AGBL1: variants seen among roughly 807,000 people sequenced by gnomAD.
The protein encoded by AGBL1 is AGBL carboxypeptidase 1.
In AGBL1, 130 loss-of-function variants were observed where a neutral mutation model predicts 118.9. The ratio of observed to expected loss-of-function variants is 1.09; its 90% CI spans 0.95 to 1.26. AGBL1 has a LOEUF of 1.26. Ranked by LOEUF, AGBL1 falls within the 50% of genes most tolerant of loss-of-function variation. AGBL1 has a pLI of 0.00. For missense variants in AGBL1, 1,584 were observed against 1,298.1 expected (o/e 1.22, Z -3.38); for synonymous variants, 555 against 478.9 (o/e 1.16, Z -2.08).
chr15:86,891,374 G>A (rs1251162444), intron 22 of AGBL1, among the ~76,000 whole-genome samples: 2 of 152,048 alleles, frequency 1.3e-5, no homozygotes, highest in African/African-American at 4.8e-5. Context: ...CAGTGTAGTT[G>A]AGTGAGATGG....
intron 17 of AGBL1, among the ~76,000 whole-genome samples, chr15:86,301,173 A>G (rs1437330137): frequency 6.6e-6 from 1 of 152,166 alleles, no homozygotes; most frequent in Non-Finnish European, 1.5e-5. Flanking sequence ...CTCACTCTGG[A>G]CATTTCTGTT....
intron 1 of AGBL1, among the ~76,000 whole-genome samples, chr15:86,113,212 T>TTTTTCTTTTCTTTTTTC (rs1897507567): frequency 8.2e-6 from 1 of 122,132 alleles, no homozygotes; most frequent in Admixed American, 8.7e-5. Context: ...TTTCTTTTTC[T>TTTTTCTTTTCTTTTTTC]TTTTCTTTTC....
intron 22 of AGBL1, among the ~76,000 whole-genome samples, chr15:86,803,286 C>T (rs771738655): frequency 6.6e-6 from 1 of 152,078 alleles, no homozygotes; most frequent in Non-Finnish European, 1.5e-5. Context: ...GTTTTACAAG[C>T]ATCTGGCATT....
chr15:86,350,578 T>C (rs1392924375), intron 17 of AGBL1, among the ~76,000 whole-genome samples: 1 of 152,322 alleles, frequency 6.6e-6, no homozygotes, highest in East Asian at 1.9e-4. Flanking sequence ...ATACATGTGC[T>C]TGGTCTCCAG....
intron 22 of AGBL1, among the ~76,000 whole-genome samples, chr15:86,780,060 C>G (rs906464498): frequency 6.6e-6 from 1 of 152,152 alleles, no homozygotes; most frequent in African/African-American, 2.4e-5. Flanking sequence ...TTTGCCTACT[C>G]TAAGATCATG....
chr15:86,688,120 G>C lies in AGBL1; in HGVS notation c.3158+13684G>C, dbSNP rs184955273. 9.9e-5 allele frequency among the ~76,000 whole-genome samples: 15 copies of C among 152,258 alleles called. 1 individual carries two copies. Among genetic ancestry groups the C allele is most frequent in the African/African-American group, 3.6e-4 (15 of 41,572 alleles). On this transcript the variant is annotated intron_variant, in intron 22 of 22. Transcript: ENST00000614907. Reference sequence around the variant, plus strand: ...CCAGGAGAAACAACAAGCGCATGTCGTTGTTTCATGTATGAATGCAGCTAA... The same window carrying C: ...CCAGGAGAAACAACAAGCGCATGTCCTTGTTTCATGTATGAATGCAGCTAA...
Position 86,451,007 on chromosome 15 carries a change from C to T in AGBL1, c.2555+53461C>T, listed in dbSNP as rs140213674. ...TTATATCTTCTAGGATATGTTTTAA[C>T]GGATATCCATTCTTTCTTTGAGAAT... On this transcript the variant is annotated intron_variant, in intron 18 of 22. Transcript: ENST00000614907. Among the ~76,000 whole-genome samples, 284 of 152,112 alleles carry T rather than the reference C, an allele frequency of 1.9e-3. 1 individual carries two copies. The highest frequency in any genetic ancestry group is 6.4e-3 in the African/African-American group (266 of 41,494).
chr15:86,131,643 C>A (rs7174818), intron 1 of AGBL1, among the ~76,000 whole-genome samples: 3 of 151,658 alleles, frequency 2.0e-5, no homozygotes, highest in African/African-American at 4.8e-5. Flanking sequence ...AGGTAGACAC[C>A]GAATGGTAAT....
intron 21 of AGBL1, among the ~76,000 whole-genome samples, chr15:86,620,568 A>G (rs2142409526): frequency 6.6e-6 from 1 of 152,270 alleles, no homozygotes; most frequent in Middle Eastern, 3.4e-3. Context: ...TCACCTCATC[A>G]AGAATACATA....
At chr15:87,011,569 A>G (rs1381052270) in intron 24 of AGBL1, among the ~76,000 whole-genome samples, 2 of 152,212 alleles carry the variant, frequency 1.3e-5, no homozygotes, top group Non-Finnish European at 2.9e-5. Flanking sequence ...CTGTCCATTT[A>G]AAAATATTGC....
chr15:86,141,998 T>C lies in AGBL1; in HGVS notation c.52-6T>C, dbSNP rs1468230269. 6.5e-7 allele frequency: 1 copy of C among 1,549,832 alleles called. No individual in the cohort carries two copies. Among genetic ancestry groups the C allele is most frequent in the Middle Eastern group, 1.7e-4 (1 of 5,990 alleles). On this transcript the variant is annotated splice_region_variant and splice_polypyrimidine_tract_variant and intron_variant, in intron 1 of 22. Transcript: ENST00000614907. ...TTAAATATGGCTGCCTGTGTTCTCA[T>C]TGCAGAGCTCCTCTGACAAGGAGTC...
intron 23 of AGBL1, among the ~76,000 whole-genome samples, chr15:86,943,155 T>G (rs1401781824): frequency 3.3e-5 from 5 of 152,234 alleles, no homozygotes; most frequent in African/African-American, 4.8e-5. Flanking sequence ...ATTTAAGGAT[T>G]ATTTCTCAGT....
At chr15:86,267,145 C>G (rs2079087802) in intron 13 of AGBL1, 69 bp downstream of exon 13, 2 of 1,177,040 alleles carry the variant, frequency 1.7e-6, no homozygotes, top group Non-Finnish European at 2.5e-6. Flanking sequence ...TATCTCTTCC[C>G]CATGCTCTGT....
intron 18 of AGBL1, among the ~76,000 whole-genome samples, chr15:86,503,848 A>T (rs983403895): frequency 6.6e-6 from 1 of 151,574 alleles, no homozygotes; most frequent in South Asian, 2.1e-4. Flanking sequence ...ATGGCCAACC[A>T]TGTGATCTAC....
At chr15:86,243,186 G>A (rs548059399) in intron 6 of AGBL1, among the ~76,000 whole-genome samples, 1 of 152,128 alleles carries the variant, frequency 6.6e-6, no homozygotes, top group South Asian at 2.1e-4. Flanking sequence ...TGTAGAACGC[G>A]TAAGGATTAA....
At chr15:86,300,492 C>T (rs2079728542) in intron 17 of AGBL1, among the ~76,000 whole-genome samples, 1 of 152,152 alleles carries the variant, frequency 6.6e-6, no homozygotes. Flanking sequence ...TAGAAACCCT[C>T]ATTCTCTAAA....
intron 18 of AGBL1, among the ~76,000 whole-genome samples, chr15:86,483,869 T>C (rs1346097360): frequency 2.0e-5 from 3 of 152,154 alleles, no homozygotes; most frequent in South Asian, 4.1e-4. Flanking sequence ...CCAGCTCATC[T>C]TGAATACTGT....
intron 22 of AGBL1, among the ~76,000 whole-genome samples, chr15:86,827,765 G>C (rs979156728): frequency 2.0e-5 from 3 of 147,788 alleles, no homozygotes; most frequent in African/African-American, 7.4e-5. Context: ...TGTAGGAGTA[G>C]TGGTCCTCTT....
chr15:87,016,882 T>C (rs1187631757), intron 24 of AGBL1, among the ~76,000 whole-genome samples: 2 of 152,128 alleles, frequency 1.3e-5, no homozygotes, highest in African/African-American at 4.8e-5. Context: ...TTGGGTCTGA[T>C]ACAGAGAGCT....
Sources: gnomAD v4.1 joint callset for allele counts (sites outside exome capture counted in the v4.1 genomes callset) on GRCh38, gnomAD v4.1.1 for gene constraint, MANE v1.5 for transcripts, NCBI Gene and HGNC (gene_info 2026-07-23, HGNC 2026-07-21) for gene names.